STS: variants seen among roughly 807,000 people sequenced by gnomAD.
The protein encoded by STS is steroid sulfatase.
STS carries 7 observed loss-of-function variants against 26.8 expected under a neutral mutation model. The observed-to-expected ratio is 0.26, with a 90% CI of 0.15 to 0.49. STS has a LOEUF of 0.49. Among genes scored for constraint, STS ranks in the 20% least tolerant of loss-of-function variants. STS has a pLI of 0.98. For missense variants in STS, 434 were observed against 465.6 expected (o/e 0.93, Z 0.63); for synonymous variants, 199 against 189.4 (o/e 1.05, Z -0.42).
intron 1 of STS, among the ~76,000 whole-genome samples, chrX:7,177,137 C>A (rs1283475216): frequency 1.8e-5 from 2 of 111,267 alleles, no homozygotes; most frequent in Non-Finnish European, 3.8e-5. Context: ...CTACAAACTC[C>A]CTTTTGCCAT....
At chrX:7,174,711 A>G (rs1027789472) in intron 1 of STS, among the ~76,000 whole-genome samples, 2 of 111,596 alleles carry the variant, frequency 1.8e-5, no homozygotes, top group African/African-American at 6.5e-5. Flanking sequence ...CCCAAACATC[A>G]CAGTTGCTCC....
intron 2 of STS, among the ~76,000 whole-genome samples, chrX:7,214,141 T>G (rs1473963898): frequency 8.9e-6 from 1 of 112,231 alleles, no homozygotes; most frequent in Non-Finnish European, 1.9e-5. Flanking sequence ...TTATATAAAA[T>G]GCAAAGCATG....
chrX:7,193,018 A>C (rs1933906353), intron 2 of STS, among the ~76,000 whole-genome samples: 1 of 112,424 alleles, frequency 8.9e-6, no homozygotes, highest in African/African-American at 3.2e-5. Flanking sequence ...ACTTTGAGGG[A>C]TATGAGTCAG....
chrX:7,286,809 G>A (rs1177816567), intron 7 of STS, among the ~76,000 whole-genome samples: 1 of 112,027 alleles, frequency 8.9e-6, no homozygotes, highest in South Asian at 3.6e-4. Context: ...CTGTTTGGGA[G>A]TGTTTTGTAT....
chrX:7,218,789 T>C (rs1921416893), intron 2 of STS, among the ~76,000 whole-genome samples: 1 of 112,037 alleles, frequency 8.9e-6, no homozygotes, highest in Middle Eastern at 4.2e-3. Context: ...ACAATGTCGG[T>C]GGTATTTCAA....
chrX:7,206,906 T>G (rs1203273355), intron 2 of STS, among the ~76,000 whole-genome samples: 1 of 112,518 alleles, frequency 8.9e-6, no homozygotes, highest in Non-Finnish European at 1.9e-5. Flanking sequence ...CTTAAAGTTT[T>G]CATTAAAAAT....
chrX:7,189,926 G>A (rs770704640), intron 1 of STS, among the ~76,000 whole-genome samples: 1 of 110,638 alleles, frequency 9.0e-6, no homozygotes, highest in South Asian at 3.9e-4. Flanking sequence ...GTGAGGATGG[G>A]TAGGAGTTAG....
intron 2 of STS, among the ~76,000 whole-genome samples, chrX:7,206,186 G>C (rs1196720593): frequency 8.9e-6 from 1 of 111,779 alleles, no homozygotes; most frequent in Non-Finnish European, 1.9e-5. Flanking sequence ...TTGTTTTATT[G>C]CTTTGGTAAT....
intron 2 of STS, among the ~76,000 whole-genome samples, chrX:7,249,558 C>A (rs1352658504): frequency 9.0e-6 from 1 of 111,590 alleles, no homozygotes; most frequent in Non-Finnish European, 1.9e-5. Context: ...AAATGACAGG[C>A]ATTATTCAGT....
In STS at chrX:7,323,016, C is replaced by G. The variant is rs111673248; in HGVS notation, c.1082-2323C>G. 2.4e-3 allele frequency among the ~76,000 whole-genome samples: 265 copies of G among 111,787 alleles called. 1 individual carries two copies. The highest frequency in any genetic ancestry group is 8.4e-3 in the African/African-American group (260 of 30,770). On this transcript the variant is annotated intron_variant, in intron 8 of 10. Transcript: ENST00000674429. ...CATCCTGGTAATAAAATAATACCAA[C>G]GAAGATAATAGCCATTTTTTGTGCC...
chrX:7,307,619 G>A (rs775601709), intron 8 of STS, among the ~76,000 whole-genome samples: 6 of 111,980 alleles, frequency 5.4e-5, no homozygotes, highest in South Asian at 3.7e-4. Flanking sequence ...AAAGAAGGGC[G>A]CCCACAGGTT....
At chrX:7,301,273 T>A (rs978271632) in intron 7 of STS, among the ~76,000 whole-genome samples, 7 of 108,968 alleles carry the variant, frequency 6.4e-5, no homozygotes, top group Non-Finnish European at 1.1e-4. Flanking sequence ...TCACCTGTAG[T>A]CCCAGCTACT....
chrX:7,169,774 A>G (rs982377694), intron 1 of STS, among the ~76,000 whole-genome samples: 1 of 111,258 alleles, frequency 9.0e-6, no homozygotes, highest in Admixed American at 9.6e-5. Flanking sequence ...CCCTTTACTT[A>G]TCAGCATTTC....
chrX:7,319,990 ATATATATATTTT>A (rs1569224305), intron 8 of STS, among the ~76,000 whole-genome samples: 4 of 88,226 alleles, frequency 4.5e-5, no homozygotes, highest in African/African-American at 2.0e-4. Flanking sequence ...ATATATATTT[ATATATATATTTT>A]TATATATATA....
chrX:7,318,325 C>T (rs1040025091), intron 8 of STS, among the ~76,000 whole-genome samples: 7 of 110,871 alleles, frequency 6.3e-5, no homozygotes, highest in East Asian at 2.9e-4. Flanking sequence ...ACACATTTGG[C>T]GCATCTCGCT....
chrX:7,301,243 A>AT (rs397789238), intron 7 of STS, among the ~76,000 whole-genome samples: 1 of 108,497 alleles, frequency 9.2e-6, no homozygotes, highest in Admixed American at 9.8e-5. Context: ...CAAAAAAAAA[A>AT]TAGCCAGGCA....
chrX:7,213,507 G>T (rs1921117709), intron 2 of STS, among the ~76,000 whole-genome samples: 1 of 111,757 alleles, frequency 8.9e-6, no homozygotes, highest in Non-Finnish European at 1.9e-5. Flanking sequence ...CAGACAGGTG[G>T]ACAGAAGACC....
chrX:7,279,311 A>ATATATATGTG (rs1445736078), intron 7 of STS, among the ~76,000 whole-genome samples: 2 of 78,134 alleles, frequency 2.6e-5, no homozygotes, highest in African/African-American at 1.1e-4. Context: ...ATATATATAT[A>ATATATATGTG]TGTGTGTGTG....
intron 1 of STS, among the ~76,000 whole-genome samples, chrX:7,165,408 G>C (rs1933329669): frequency 9.0e-6 from 1 of 111,032 alleles, no homozygotes; most frequent in Non-Finnish European, 1.9e-5. Flanking sequence ...CAATGTGTTG[G>C]GAGGCCAAGG....
Sources: gnomAD v4.1 joint callset for allele counts (sites outside exome capture counted in the v4.1 genomes callset) on GRCh38, gnomAD v4.1.1 for gene constraint, MANE v1.5 for transcripts, NCBI Gene and HGNC (gene_info 2026-07-23, HGNC 2026-07-21) for gene names.